FNDC3A: variants seen among roughly 807,000 people sequenced by gnomAD.
FNDC3A encodes the protein fibronectin type-III domain-containing protein 3A.
Under a neutral mutation model 148.9 loss-of-function variants are expected in FNDC3A, and 32 were observed. That is an observed-to-expected ratio of 0.21 (90% CI 0.16 to 0.29). The LOEUF is 0.29. Ranked by LOEUF, FNDC3A falls within the 10% of genes least tolerant of loss-of-function variation. The probability of loss-of-function intolerance (pLI) is 1.00; values close to 1 mark genes in which losing one functional copy is unlikely to be tolerated. For synonymous variants in FNDC3A, 472 were observed against 473.6 expected (o/e 1.00, Z 0.04); for missense variants, 1,191 against 1,452.8 (o/e 0.82, Z 2.93).
intron 1 of FNDC3A, among the ~76,000 whole-genome samples, chr13:48,986,710 A>T (rs1951811980): frequency 6.6e-6 from 1 of 151,864 alleles, no homozygotes; most frequent in African/African-American, 2.4e-5. Context: ...AGGTTTTTTT[A>T]AAAAGAAGTT....
At chr13:49,141,250 G>A (rs1566278642) in intron 7 of FNDC3A, among the ~76,000 whole-genome samples, 3 of 152,148 alleles carry the variant, frequency 2.0e-5, no homozygotes, top group Non-Finnish European at 4.4e-5. Context: ...TGAAAGTGTT[G>A]TCTTTTCATT....
intron 2 of FNDC3A, among the ~76,000 whole-genome samples, chr13:49,022,547 A>G (rs1311072934): frequency 2.6e-5 from 4 of 152,182 alleles, no homozygotes; most frequent in African/African-American, 9.7e-5. Context: ...TTCCATGCTA[A>G]GCTATAAACA....
At chr13:49,033,420 C>T (rs933701310) in intron 2 of FNDC3A, among the ~76,000 whole-genome samples, 9 of 151,988 alleles carry the variant, frequency 5.9e-5, no homozygotes, top group Admixed American at 3.9e-4. Context: ...CCTGTCTCTA[C>T]GTGTATTTTC....
At chr13:49,099,691 A>G (rs1231548359) in intron 3 of FNDC3A, among the ~76,000 whole-genome samples, 2 of 152,148 alleles carry the variant, frequency 1.3e-5, no homozygotes, top group African/African-American at 4.8e-5. Context: ...ATTTGGTGAA[A>G]CATGCAGAAG....
intron 2 of FNDC3A, among the ~76,000 whole-genome samples, chr13:49,007,973 C>T (rs942980718): frequency 3.3e-5 from 5 of 151,920 alleles, no homozygotes; most frequent in South Asian, 2.1e-4. Flanking sequence ...TTTTGGTTGC[C>T]GAAGACAAGT....
chr13:49,076,169 A>G (rs139112079), intron 3 of FNDC3A, among the ~76,000 whole-genome samples: 97 of 152,218 alleles, frequency 6.4e-4, no homozygotes, highest in African/African-American at 2.0e-3. Context: ...AATTAGAGAG[A>G]GAGAACCTAG....
chr13:49,088,649 C>T (rs1250804255), intron 3 of FNDC3A, among the ~76,000 whole-genome samples: 2 of 152,132 alleles, frequency 1.3e-5, no homozygotes, highest in African/African-American at 4.8e-5. Flanking sequence ...ACACTGTTCT[C>T]TTGATTGCCC....
chr13:49,059,555 A>T (rs533489969), intron 2 of FNDC3A, among the ~76,000 whole-genome samples: 2 of 152,288 alleles, frequency 1.3e-5, no homozygotes, highest in African/African-American at 4.8e-5. Flanking sequence ...TCCTGGGTTC[A>T]AGTGATTCTT....
intron 19 of FNDC3A, among the ~76,000 whole-genome samples, chr13:49,194,309 A>G (rs914186176): frequency 6.6e-6 from 1 of 152,220 alleles, no homozygotes; most frequent in African/African-American, 2.4e-5. Flanking sequence ...TTTCAAATTT[A>G]TTGTTTTAAA....
intron 1 of FNDC3A, among the ~76,000 whole-genome samples, chr13:48,999,420 T>C (rs762157931): frequency 6.6e-6 from 1 of 152,142 alleles, no homozygotes; most frequent in Admixed American, 6.5e-5. Context: ...ACATAACATA[T>C]CTGGTTTCAC....
intron 3 of FNDC3A, among the ~76,000 whole-genome samples, chr13:49,111,432 A>T (rs936424132): frequency 1.3e-5 from 2 of 152,168 alleles, no homozygotes; most frequent in Admixed American, 1.3e-4. Context: ...TTGTCTTTTT[A>T]AAAGAAAATC....
At chr13:48,987,796 A>G (rs1277554327) in intron 1 of FNDC3A, 11 of 152,262 alleles carry the variant, frequency 7.2e-5, no homozygotes, top group Admixed American at 7.2e-4. Context: ...TGGCAGTTTC[A>G]TATGGTTTGA....
chr13:49,134,836 TCA>T (rs1454330869), intron 5 of FNDC3A, among the ~76,000 whole-genome samples: 4 of 66,554 alleles, frequency 6.0e-5, no homozygotes, highest in Non-Finnish European at 8.6e-5. Context: ...AGATGGAGTT[TCA>T]CTCTTTTTTT....
At chr13:49,043,498 ATGT>A in intron 2 of FNDC3A, among the ~76,000 whole-genome samples, 1 of 152,190 alleles carries the variant, frequency 6.6e-6, no homozygotes, top group Admixed American at 6.5e-5. Flanking sequence ...CTAATTGATA[ATGT>A]TGTTCTGATA....
chr13:49,117,488 A>C (rs1881044278), intron 4 of FNDC3A, among the ~76,000 whole-genome samples: 1 of 152,192 alleles, frequency 6.6e-6, no homozygotes, highest in Non-Finnish European at 1.5e-5. Flanking sequence ...AGATCATGTT[A>C]TTGAACCACT....
At chr13:49,023,972 A>G (rs565726741) in intron 2 of FNDC3A, among the ~76,000 whole-genome samples, 8 of 152,138 alleles carry the variant, frequency 5.3e-5, no homozygotes, top group African/African-American at 1.9e-4. Flanking sequence ...AAAGATTAAC[A>G]AAATTGACTA....
chr13:49,168,803 C>T (rs2138047411), intron 10 of FNDC3A, 52 bp downstream of exon 10: 4 of 1,523,454 alleles, frequency 2.6e-6, no homozygotes, highest in East Asian at 2.3e-5. Flanking sequence ...TCTTTGTTTC[C>T]CCTGGTAGTA....
intron 2 of FNDC3A, among the ~76,000 whole-genome samples, chr13:49,053,876 G>T (rs977701837): frequency 1.3e-5 from 2 of 152,164 alleles, no homozygotes; most frequent in Non-Finnish European, 2.9e-5. Flanking sequence ...CCCCACAACA[G>T]ACAGCATTGT....
chr13:49,035,870 A>T (rs957907025), intron 2 of FNDC3A, among the ~76,000 whole-genome samples: 2 of 152,120 alleles, frequency 1.3e-5, no homozygotes, highest in Non-Finnish European at 2.9e-5. Context: ...ATTATCCATC[A>T]TGGAACTAAA....
Sources: allele counts gnomAD v4.1 joint callset (sites outside exome capture counted in the v4.1 genomes callset), GRCh38; gene constraint gnomAD v4.1.1; transcripts MANE v1.5; gene names NCBI Gene and HGNC (gene_info 2026-07-23, HGNC 2026-07-21).